L3MBTL2: variants seen among roughly 807,000 people sequenced by gnomAD.
L3MBTL2 encodes lethal(3)malignant brain tumor-like protein 2.
A neutral mutation model predicts 86.4 loss-of-function variants in L3MBTL2; 49 were observed. That is an observed-to-expected ratio of 0.57 (90% CI 0.45 to 0.72). The LOEUF (loss-of-function observed/expected upper bound fraction) is 0.72, where lower values mean the gene tolerates loss of function less well. Ranked by LOEUF, L3MBTL2 falls within the 30% of genes least tolerant of loss-of-function variation. The pLI is 0.00. For synonymous variants in L3MBTL2, 336 were observed against 350.6 expected (o/e 0.96, Z 0.47); for missense variants, 755 against 923.7 (o/e 0.82, Z 2.37).
At position 41,219,406 on chromosome 22, in the gene L3MBTL2, C is replaced by T. The variant is rs777469730; in HGVS notation, c.601-13C>T. The T allele has an allele frequency of 6.3e-7, 1 of 1,589,542 alleles. No homozygotes were observed. Among genetic ancestry groups the T allele is most frequent in the Non-Finnish European group, 8.6e-7 (1 of 1,157,928 alleles). ...TTAGCTCACTCTCTCGGTACACTCT[C>T]ATCGCCACACAGGTCCCACTCTATG... On this transcript the variant is annotated splice_polypyrimidine_tract_variant and intron_variant, in intron 5 of 16. Transcript: ENST00000216237.
intron 8 of L3MBTL2, among the ~76,000 whole-genome samples, chr22:41,222,873 A>G (rs2031922421): frequency 6.6e-6 from 1 of 152,154 alleles, no homozygotes; most frequent in Non-Finnish European, 1.5e-5. Context: ...GTGAGCTGAG[A>G]TCGTGCCACT....
chr22:41,221,477 G>A, intron 8 of L3MBTL2, 190 bp downstream of exon 8: 1 of 598,166 alleles, frequency 1.7e-6, no homozygotes, highest in South Asian at 2.0e-5. Context: ...CCTGGCGTCG[G>A]CCACTGCCCC....
intron 2 of L3MBTL2, 129 bp from the exon 3 acceptor site, chr22:41,213,764 T>C (rs942199681): frequency 1.2e-5 from 12 of 965,548 alleles, no homozygotes; most frequent in Admixed American, 2.1e-5. Context: ...CCTCCTCTTA[T>C]TCCATTAGCC....
intron 2 of L3MBTL2, among the ~76,000 whole-genome samples, chr22:41,212,364 A>G (rs1408376975): frequency 2.0e-5 from 3 of 151,038 alleles, no homozygotes; most frequent in Non-Finnish European, 4.4e-5. Flanking sequence ...GTATCCCGTC[A>G]CAGACCAATT....
chr22:41,227,946 GT>G lies in L3MBTL2; in HGVS notation c.1888+78del. On this transcript the variant is annotated intron_variant, in intron 15 of 16. Coordinates refer to ENST00000216237, the MANE Select transcript of L3MBTL2 (RefSeq NM_031488.5). The surrounding 1 kb of genome is among the most constrained non-coding windows in gnomAD (Gnocchi z 6.0). ...CCTGCGTCCCTGGGAGCAGGCGGGG[GT>G]CAGCCCCCAGGCACTGGTTCCCAGG... is the stretch of plus-strand genomic sequence containing the variant. The G allele has an allele frequency of 6.4e-7, 1 of 1,565,942 alleles. No individual in the cohort carries two copies. The highest frequency in any genetic ancestry group is 8.7e-7 in the Non-Finnish European group (1 of 1,155,794).
Position 41,209,873 on chromosome 22 carries a change from C to G in L3MBTL2, c.202C>G (p.Pro68Ala). The G allele has an allele frequency of 6.2e-7, 1 of 1,614,098 alleles. No homozygotes were observed. Among genetic ancestry groups the G allele is most frequent in the Non-Finnish European group, 8.5e-7 (1 of 1,180,004 alleles). Residue 68 changes from proline to alanine, a missense_variant, in exon 2 of 17, where the codon CCG becomes GCG. By Grantham distance (27) the Pro-to-Ala change is conservative (BLOSUM62 -1). Around this residue, in one of 3 missense-constraint regions of L3MBTL2, gnomAD observed 103 missense variants for 105.2 expected, o/e 0.98. Transcript: ENST00000216237. ...DREAGELPTS[P>A]LHLLSPGTPR... ...GGAAGCAGGGGAACTGCCGACCTCC[C>G]CGCTGCATTTGCTCAGCCCTGGGAC...
intron 4 of L3MBTL2, 57 bp from the exon 5 acceptor site, chr22:41,217,066 C>CAGGA (rs2031438041): frequency 1.4e-6 from 2 of 1,448,682 alleles, no homozygotes; most frequent in East Asian, 4.5e-5. Flanking sequence ...GGGGTCCAGG[C>CAGGA]TCCTGGAGTG....
At chr22:41,210,048 T>G in intron 2 of L3MBTL2, 115 bp downstream of exon 2, 1 of 1,424,934 alleles carries the variant, frequency 7.0e-7, no homozygotes, top group Non-Finnish European at 9.4e-7. Context: ...CTATTAACTC[T>G]GATTTCTAAG....
intron 4 of L3MBTL2, 100 bp from the exon 5 acceptor site, chr22:41,217,023 G>C: frequency 1.2e-6 from 1 of 858,278 alleles, no homozygotes; most frequent in South Asian, 1.4e-5. Context: ...CTGGGGGTGG[G>C]GGACCTACCT....
Position 41,215,693 on chromosome 22 carries a change from C to T in L3MBTL2, c.397-446C>T, listed in dbSNP as rs554517507. Among the ~76,000 whole-genome samples the T allele has an allele frequency of 2.0e-5, 3 of 152,298 alleles. No individual in the cohort carries two copies. In the South Asian group the frequency reaches 6.2e-4, roughly 32 times the overall value. Reference sequence around the variant, plus strand: ...CTATGTGGACCCTCTCCCGAACATTCGCCTATGTGGACCCTCTCCCGAACA... The same window carrying T: ...CTATGTGGACCCTCTCCCGAACATTTGCCTATGTGGACCCTCTCCCGAACA... On this transcript the variant is annotated intron_variant, in intron 3 of 16. Coordinates refer to ENST00000216237, the MANE Select transcript of L3MBTL2 (RefSeq NM_031488.5).
intron 6 of L3MBTL2, 54 bp from the exon 7 acceptor site, chr22:41,220,680 A>C: frequency 6.5e-7 from 1 of 1,539,540 alleles, no homozygotes; most frequent in Non-Finnish European, 8.7e-7. Flanking sequence ...AAAAAACAGA[A>C]CATACCTTCC....
rs374537053 is a variant in L3MBTL2 at position 41,225,830 on chromosome 22, G to A, written c.1393G>A (p.Gly465Arg). Residue 465 changes from glycine to arginine, a missense_variant, in exon 12 of 17, where the codon GGG (glycine) becomes AGG (arginine). This residue lies in a region of L3MBTL2 where 634 missense variants were observed against 748.9 expected (regional missense o/e 0.85). Coordinates refer to ENST00000216237, the MANE Select transcript of L3MBTL2 (RefSeq NM_031488.5). The surrounding 1 kb of genome is among the most constrained non-coding windows in gnomAD (Gnocchi z 4.1). ...LDGYLMICVD[G>R]GPSTDGLDWF... ...TGGATACCTGATGATCTGTGTGGAC[G>A]GGGGGCCCTCCACAGATGGCTTGGA... 3.5e-5 allele frequency: 56 copies of A among 1,613,682 alleles called. No homozygotes were observed. Among genetic ancestry groups the A allele is most frequent in the East Asian group, 4.5e-5 (2 of 44,862 alleles).
chr22:41,221,204 C>T lies in L3MBTL2; in HGVS notation c.859C>T (p.His287Tyr). The T allele has an allele frequency of 1.3e-6, 2 of 1,548,564 alleles. No individual in the cohort carries two copies. The highest frequency in any genetic ancestry group is 1.2e-5 in the South Asian group (1 of 83,936). ...SKILVPPRTI[H>Y]AKFTDWKGYL... Reference sequence around the variant, plus strand: ...TTCTGCTGGTGCCTCCACAGCCATCCATGCCAAGTTCACCGACTGGAAGGG... The same window carrying T: ...TTCTGCTGGTGCCTCCACAGCCATCTATGCCAAGTTCACCGACTGGAAGGG... The change falls in exon 8 of 17, where the codon CAT (histidine) becomes TAT (tyrosine). Residue 287 changes from histidine (H) to tyrosine (Y), a missense_variant. His to Tyr is a moderately conservative substitution (Grantham distance 83). Around this residue, in one of 3 missense-constraint regions of L3MBTL2, gnomAD observed 634 missense variants for 748.9 expected, o/e 0.85. Coordinates refer to ENST00000216237, the MANE Select transcript of L3MBTL2 (RefSeq NM_031488.5).
intron 8 of L3MBTL2, among the ~76,000 whole-genome samples, chr22:41,223,429 A>C: frequency 6.6e-6 from 1 of 152,238 alleles, no homozygotes; most frequent in East Asian, 1.9e-4. Context: ...CTTGGTCACC[A>C]TCCCTCATTA....
At chr22:41,207,177 T>C (rs980730651) in intron 1 of L3MBTL2, among the ~76,000 whole-genome samples, 6 of 151,642 alleles carry the variant, frequency 4.0e-5, no homozygotes, top group African/African-American at 1.5e-4. Flanking sequence ...GCACTTACTA[T>C]ATGCAAGTCA....
Position 41,221,242 on chromosome 22 carries a change from ACGGCTGGT to A in L3MBTL2, c.898_905del (p.Arg300GlyfsTer22). ...CCGACTGGAAGGGCTACCTCATGAAACGGCTGGTGGGCTCCAGGACGCTTCCCGTGGAT... is the reference window on the plus strand; with the variant it reads ...CCGACTGGAAGGGCTACCTCATGAAAGGGCTCCAGGACGCTTCCCGTGGAT... On this transcript the variant is annotated frameshift_variant, in exon 8 of 17. Coordinates refer to ENST00000216237, the MANE Select transcript of L3MBTL2 (RefSeq NM_031488.5). LOFTEE classifies it high-confidence loss of function. The A allele has an allele frequency of 6.4e-7, 1 of 1,551,450 alleles. No individual in the cohort carries two copies. Among genetic ancestry groups the A allele is most frequent in the Non-Finnish European group, 8.7e-7 (1 of 1,146,756 alleles).
chr22:41,230,603 G>T lies in L3MBTL2; in HGVS notation c.*352G>T. ...ACGGCCCTCAGTTGCCAGGGATGGG[G>T]CCACCACTGTCACACTGTGGAATAC... On this transcript the variant is annotated 3_prime_UTR_variant, in exon 17 of 17. Transcript: ENST00000216237. 1 of 321,948 alleles carries T rather than the reference G, an allele frequency of 3.1e-6. No homozygotes were observed. The highest frequency in any genetic ancestry group is 3.3e-5 in the South Asian group (1 of 30,094). 19.9% of individuals were successfully genotyped at this position (321,948 alleles called of 1,614,324 possible).
chr22:41,207,412 A>G (rs1405830074), intron 1 of L3MBTL2, among the ~76,000 whole-genome samples: 2 of 151,290 alleles, frequency 1.3e-5, no homozygotes, highest in South Asian at 2.1e-4. Flanking sequence ...TTATAGAGAC[A>G]GGGTTTCCCT....
rs1296632990 is a variant in L3MBTL2 at position 41,221,215 on chromosome 22, C to T, written c.870C>T (p.Phe290=). 6.4e-7 allele frequency: 1 copy of T among 1,550,442 alleles called. No individual in the cohort carries two copies. Among genetic ancestry groups the T allele is most frequent in the Non-Finnish European group, 8.7e-7 (1 of 1,146,038 alleles). Residue 290 remains phenylalanine (F), a synonymous_variant, in exon 8 of 17, where the codon TTC becomes TTT. Coordinates refer to ENST00000216237, the MANE Select transcript of L3MBTL2 (RefSeq NM_031488.5). ...LVPPRTIHAK[F]TDWKGYLMKR... ...CCTCCACAGCCATCCATGCCAAGTT[C>T]ACCGACTGGAAGGGCTACCTCATGA...
Sources: allele counts gnomAD v4.1 joint callset (sites outside exome capture counted in the v4.1 genomes callset), GRCh38; gene constraint gnomAD v4.1.1; regional missense constraint gnomAD v4.1.1; non-coding constraint Gnocchi (gnomAD v3.1); transcripts MANE v1.5; gene names NCBI Gene and HGNC (gene_info 2026-07-23, HGNC 2026-07-21).